GALNT18: variants seen among roughly 807,000 people sequenced by gnomAD.
The protein encoded by GALNT18 is polypeptide N-acetylgalactosaminyltransferase 18.
In GALNT18, 44 loss-of-function variants were observed where a neutral mutation model predicts 69.5. That is an observed-to-expected ratio of 0.63 (90% CI 0.50 to 0.81). GALNT18 has a LOEUF of 0.81. GALNT18 is among the 40% of genes least tolerant of loss of function. The probability of loss-of-function intolerance (pLI) is 0.00; values close to 1 mark genes in which losing one functional copy is unlikely to be tolerated. For missense variants in GALNT18, 715 were observed against 810.0 expected (o/e 0.88, Z 1.42); for synonymous variants, 364 against 318.2 (o/e 1.14, Z -1.53).
At chr11:11,450,279 G>T (rs1228231784) in intron 1 of GALNT18, among the ~76,000 whole-genome samples, 1 of 152,200 alleles carries the variant, frequency 6.6e-6, no homozygotes, top group Non-Finnish European at 1.5e-5. Flanking sequence ...CCTAGGTACA[G>T]GCTGGAGATG....
chr11:11,595,392 A>G lies in GALNT18; in HGVS notation c.235+25967T>C, dbSNP rs1334055936. Among the ~76,000 whole-genome samples the G allele has an allele frequency of 1.3e-5, 2 of 152,038 alleles. No individual in the cohort carries two copies. Among genetic ancestry groups the G allele is most frequent in the Non-Finnish European group, 2.9e-5 (2 of 68,006 alleles). ...CAGAAGAGAGACTTCACCAGACAGA[A>G]CCCCATCAAGCTGGCACCCTGATCT... is the stretch of plus-strand genomic sequence containing the variant. On this transcript the variant is annotated intron_variant, in intron 1 of 10. Coordinates refer to ENST00000227756, the MANE Select transcript of GALNT18 (RefSeq NM_198516.3). The surrounding 1 kb of genome is among the most constrained non-coding windows in gnomAD (Gnocchi z 5.2).
intron 2 of GALNT18, among the ~76,000 whole-genome samples, chr11:11,437,864 T>C (rs1406141208): frequency 6.6e-6 from 1 of 152,096 alleles, no homozygotes; most frequent in Non-Finnish European, 1.5e-5. Flanking sequence ...CATCCAGCTA[T>C]GCCAGGGTTC....
intron 1 of GALNT18, chr11:11,570,127 C>T (rs150606052): frequency 1.3e-5 from 2 of 152,484 alleles, no homozygotes; most frequent in Non-Finnish European, 2.9e-5. Flanking sequence ...AACTCCATCT[C>T]AGGAACCATG....
intron 3 of GALNT18, among the ~76,000 whole-genome samples, chr11:11,393,970 C>T (rs1200574217): frequency 6.6e-6 from 1 of 152,204 alleles, no homozygotes; most frequent in Non-Finnish European, 1.5e-5. Flanking sequence ...ATTTACTAAG[C>T]ACTGGGTGTG....
intron 3 of GALNT18, among the ~76,000 whole-genome samples, chr11:11,409,448 G>A (rs549100489): frequency 2.0e-5 from 3 of 152,210 alleles, no homozygotes; most frequent in Admixed American, 2.0e-4. Context: ...GACTCCACCC[G>A]GCCACAGTCC....
At chr11:11,285,383 A>G (rs936123584) in intron 10 of GALNT18, among the ~76,000 whole-genome samples, 1 of 152,234 alleles carries the variant, frequency 6.6e-6, no homozygotes, top group Non-Finnish European at 1.5e-5. Context: ...TAACATTTAT[A>G]AAACAGAGTA....
At chr11:11,278,313 A>T (rs908574258) in intron 10 of GALNT18, among the ~76,000 whole-genome samples, 2 of 148,804 alleles carry the variant, frequency 1.3e-5, no homozygotes, top group African/African-American at 4.9e-5. Context: ...AAGTTGACCA[A>T]CGAGAACACA....
Position 11,621,524 on chromosome 11 carries a change from T to C in GALNT18, c.70A>G (p.Ile24Val). The change falls in exon 1 of 11, where the codon ATC (isoleucine) becomes GTC (valine). Residue 24 changes from isoleucine (I) to valine (V), a missense_variant. Coordinates refer to ENST00000227756, the MANE Select transcript of GALNT18 (RefSeq NM_198516.3). The surrounding 1 kb of genome is among the most constrained non-coding windows in gnomAD (Gnocchi z 9.3). ...ACCCAGCCCACGTAGAGCAGGCAGA[T>C]GATGTTAGTCATGCCGCTCAGGATC... ...CVILSGMTNIICLLYVGWVTN... is the reference protein window; with the variant it reads ...CVILSGMTNIVCLLYVGWVTN... 6.2e-7 allele frequency: 1 copy of C among 1,614,040 alleles called. No homozygotes were observed. Among genetic ancestry groups the C allele is most frequent in the Non-Finnish European group, 8.5e-7 (1 of 1,179,970 alleles).
rs1370504338 is a variant in GALNT18, at chr11:11,617,913, AC to A, written c.235+3445del. Among the ~76,000 whole-genome samples, 1 of 151,882 alleles carries A rather than the reference AC, an allele frequency of 6.6e-6. No homozygotes were observed. Among genetic ancestry groups the A allele is most frequent in the African/African-American group, 2.4e-5 (1 of 41,328 alleles). On this transcript the variant is annotated intron_variant, in intron 1 of 10. Transcript: ENST00000227756. This position sits in a 1 kb window ranked among gnomAD's most constrained non-coding sequence, Gnocchi z 4.7. ...ACTAACATTTACTTTGTGTTTCTAAACCCCCAGGATGCTTTTTTTAAAAACT... is the reference window on the plus strand; with the variant it reads ...ACTAACATTTACTTTGTGTTTCTAAACCCCAGGATGCTTTTTTTAAAAACT...
intron 3 of GALNT18, among the ~76,000 whole-genome samples, chr11:11,392,389 G>T (rs1241033288): frequency 6.6e-6 from 1 of 152,216 alleles, no homozygotes; most frequent in Non-Finnish European, 1.5e-5. Flanking sequence ...GGAGGCCGAG[G>T]CAGGCAGATC....
At chr11:11,327,250 G>A in intron 8 of GALNT18, 69 bp from the exon 9 acceptor site, 1 of 1,136,672 alleles carries the variant, frequency 8.8e-7, no homozygotes, top group Non-Finnish European at 1.3e-6. Flanking sequence ...ATTAACTCTG[G>A]AGAAACAAGT....
intron 9 of GALNT18, among the ~76,000 whole-genome samples, chr11:11,313,160 G>C (rs1243444334): frequency 2.0e-5 from 3 of 152,104 alleles, no homozygotes; most frequent in African/African-American, 4.8e-5. Flanking sequence ...CTCGGGCCCT[G>C]GAATGCTGAG....
In GALNT18 at chr11:11,347,163, CTGGACTCAATGT is replaced by C. The variant is rs1850318748; in HGVS notation, c.1093-6171_1093-6160del. On this transcript the variant is annotated intron_variant, in intron 6 of 10. Coordinates refer to ENST00000227756, the MANE Select transcript of GALNT18 (RefSeq NM_198516.3). The surrounding 1 kb of genome is among the most constrained non-coding windows in gnomAD (Gnocchi z 4.0). ...TTCCCCCAGCTGCCAAATGGGGGAG[CTGGACTCAATGT>C]TGTCTTAGGTCCCCTCTACTTTTTG... Among the ~76,000 whole-genome samples, 1 of 152,182 alleles carries C rather than the reference CTGGACTCAATGT, an allele frequency of 6.6e-6. No individual in the cohort carries two copies. Among genetic ancestry groups the C allele is most frequent in the South Asian group, 2.1e-4 (1 of 4,828 alleles).
intron 6 of GALNT18, among the ~76,000 whole-genome samples, chr11:11,366,008 C>T (rs191060302): frequency 1.6e-4 from 25 of 152,236 alleles, no homozygotes; most frequent in African/African-American, 4.6e-4. Flanking sequence ...TGAATGTCAC[C>T]GAAACCCAAG....
intron 1 of GALNT18, among the ~76,000 whole-genome samples, chr11:11,512,115 A>G (rs549844309): frequency 5.9e-5 from 9 of 152,212 alleles, no homozygotes; most frequent in Non-Finnish European, 1.3e-4. Context: ...AGTCTAAGTT[A>G]AGAATTCTTT....
intron 3 of GALNT18, among the ~76,000 whole-genome samples, chr11:11,423,082 A>T (rs145620274): frequency 6.6e-6 from 1 of 152,172 alleles, no homozygotes; most frequent in Non-Finnish European, 1.5e-5. Context: ...GCGCACACAC[A>T]GGTCCGCATC....
intron 10 of GALNT18, among the ~76,000 whole-genome samples, chr11:11,287,445 G>T (rs566038581): frequency 4.8e-4 from 73 of 152,206 alleles, no homozygotes; most frequent in African/African-American, 1.7e-3. Flanking sequence ...CCTCTGCTTT[G>T]CTTGACAAGT....
In GALNT18 at chr11:11,583,867, G is replaced by A. The variant is rs374292011; in HGVS notation, c.235+37492C>T. On this transcript the variant is annotated intron_variant, in intron 1 of 10. Transcript: ENST00000227756. The surrounding 1 kb of genome is among the most constrained non-coding windows in gnomAD (Gnocchi z 4.7). ...AATAAAGAAATAGCCCTGTCTGCAA[G>A]GAGCAGATGATCTCAATATCATTAT... 6.6e-6 allele frequency among the ~76,000 whole-genome samples: 1 copy of A among 152,108 alleles called. No homozygotes were observed. Among genetic ancestry groups the A allele is most frequent in the Non-Finnish European group, 1.5e-5 (1 of 68,026 alleles).
chr11:11,419,505 G>T (rs1854944061), intron 3 of GALNT18, among the ~76,000 whole-genome samples: 1 of 144,614 alleles, frequency 6.9e-6, no homozygotes, highest in African/African-American at 2.6e-5. Context: ...GCTGAGGCAT[G>T]AGAATTGCTT....
Sources: gnomAD v4.1 joint callset for allele counts (sites outside exome capture counted in the v4.1 genomes callset) on GRCh38, gnomAD v4.1.1 for gene constraint, Gnocchi (gnomAD v3.1) non-coding constraint, MANE v1.5 for transcripts, NCBI Gene and HGNC (gene_info 2026-07-23, HGNC 2026-07-21) for gene names.